Variants in SPATA16 observed in about 807,000 individuals in gnomAD.
The protein encoded by SPATA16 is spermatogenesis-associated protein 16.
SPATA16 carries 36 observed loss-of-function variants against 63.3 expected under a neutral mutation model. The observed-to-expected ratio is 0.57, with a 90% confidence interval of 0.44 to 0.75. SPATA16 has a LOEUF of 0.75. SPATA16 is among the 30% of genes least tolerant of loss of function. SPATA16 has a pLI of 0.00. For missense variants in SPATA16, 646 were observed against 679.3 expected, an observed-to-expected ratio of 0.95 and a Z score of 0.54; for synonymous variants, 203 against 216.7, an observed-to-expected ratio of 0.94 and a Z score of 0.56.
intron 3 of SPATA16, among the ~76,000 whole-genome samples, chr3:173,037,570 T>C (rs1159930163): frequency 1.3e-5 from 2 of 152,082 alleles, no homozygotes; most frequent in African/African-American, 4.8e-5. Flanking sequence ...TTCTATCCAA[T>C]TGTAAAATTA....
At chr3:172,893,086 C>G (rs1299464548) in intron 10 of SPATA16, among the ~76,000 whole-genome samples, 2 of 152,160 alleles carry the variant, frequency 1.3e-5, no homozygotes, top group African/African-American at 4.8e-5. Context: ...TGTCATCAGT[C>G]AGTTTCTCAA....
intron 9 of SPATA16, 78 bp from the exon 10 acceptor site, chr3:172,913,822 AT>A: frequency 2.4e-6 from 3 of 1,275,974 alleles, no homozygotes; most frequent in Non-Finnish European, 3.4e-6. Context: ...TTAAAACCTA[AT>A]TAAAAAATCA....
Position 172,974,368 on chromosome 3 carries a change from TAC to T in SPATA16, c.933+2598_933+2599del, listed in dbSNP as rs908860489. On this transcript the variant is annotated intron_variant, in intron 5 of 10. Transcript: ENST00000351008. ...GGATGCCTATAAAAGTGCATGAAAA[TAC>T]AGTCTCTAGTCTGTGATGTTTGGGG... Among the ~76,000 whole-genome samples the T allele has an allele frequency of 6.6e-5, 10 of 152,152 alleles. No homozygotes were observed. In the East Asian group the frequency reaches 1.7e-3, roughly 26 times the overall value.
In SPATA16 at chr3:172,889,712, G is replaced by A; in HGVS notation, c.1588-20C>T. On this transcript the variant is annotated intron_variant, in intron 10 of 10. Transcript: ENST00000351008. ...TCCAACCTAGAAGAAATAAACAGAT[G>A]CAACAAGATTTGTTGTTGTTTTCCT... is the stretch of plus-strand genomic sequence containing the variant. 1 of 1,610,992 alleles carries A rather than the reference G, an allele frequency of 6.2e-7. No homozygotes were observed.
At chr3:173,100,691 C>T (rs1737468850) in intron 2 of SPATA16, among the ~76,000 whole-genome samples, 1 of 145,604 alleles carries the variant, frequency 6.9e-6, no homozygotes, top group African/African-American at 2.8e-5. Context: ...CACACACACA[C>T]ACACACACAC....
rs1560085567 is a variant in SPATA16, at chr3:172,977,002, TCTTCC to T, written c.894_898del (p.Glu300HisfsTer14). ...CAGTTTGATGAGCTTGCTTATGCTC[TCTTCC>T]CTTCCTCCACCAAGCCAGAACATGT... On this transcript the variant is annotated frameshift_variant, in exon 5 of 11. Coordinates refer to ENST00000351008, the MANE Select transcript of SPATA16 (RefSeq NM_031955.6). LOFTEE classifies it high-confidence loss of function. 61 of 1,612,138 alleles carry T rather than the reference TCTTCC, an allele frequency of 3.8e-5. No individual in the cohort carries two copies. Among genetic ancestry groups the T allele is most frequent in the Non-Finnish European group, 4.7e-5 (56 of 1,179,498 alleles).
intron 3 of SPATA16, among the ~76,000 whole-genome samples, chr3:173,044,080 C>T (rs1735905491): frequency 1.3e-5 from 2 of 152,032 alleles, no homozygotes; most frequent in Non-Finnish European, 1.5e-5. Context: ...TAGATGCGAT[C>T]GTCTTTGAAT....
At chr3:173,017,564 T>C (rs1195322816) in intron 4 of SPATA16, among the ~76,000 whole-genome samples, 1 of 152,200 alleles carries the variant, frequency 6.6e-6, no homozygotes, top group Non-Finnish European at 1.5e-5. Flanking sequence ...ATTTGTAACA[T>C]TTGCAATTTC....
chr3:172,933,624 C>CA (rs1732918241), intron 6 of SPATA16, among the ~76,000 whole-genome samples: 1 of 152,172 alleles, frequency 6.6e-6, no homozygotes, highest in Admixed American at 6.5e-5. Context: ...ACTGTGGAAA[C>CA]AGAGTGGTGA....
chr3:173,126,973 A>G (rs936272858), intron 1 of SPATA16, among the ~76,000 whole-genome samples: 1 of 152,240 alleles, frequency 6.6e-6, no homozygotes, highest in African/African-American at 2.4e-5. Flanking sequence ...CTACCCTTCA[A>G]TTTAGTTAAT....
chr3:172,967,494 A>T (rs1234520957), intron 5 of SPATA16, among the ~76,000 whole-genome samples: 1 of 152,156 alleles, frequency 6.6e-6, no homozygotes, highest in Non-Finnish European at 1.5e-5. Context: ...TGTTATTTTC[A>T]TAGTGATGGG....
chr3:172,977,128 A>G (rs1359615267), intron 4 of SPATA16, 76 bp from the exon 5 acceptor site: 2 of 1,112,016 alleles, frequency 1.8e-6, no homozygotes, highest in Non-Finnish European at 2.7e-6. Flanking sequence ...CAGGCACTAT[A>G]TACAAATACT....
chr3:173,097,055 T>C (rs571112085), intron 2 of SPATA16, among the ~76,000 whole-genome samples: 4 of 152,160 alleles, frequency 2.6e-5, no homozygotes, highest in Non-Finnish European at 5.9e-5. Flanking sequence ...TGGAAAATTC[T>C]AGAAATAAAC....
chr3:173,028,182 G>A (rs1735513097), intron 3 of SPATA16, among the ~76,000 whole-genome samples: 3 of 150,996 alleles, frequency 2.0e-5, no homozygotes, highest in East Asian at 1.9e-4. Flanking sequence ...TCATCCTCCC[G>A]AGGCAACACT....
chr3:173,102,040 A>G (rs1737510190), intron 2 of SPATA16, among the ~76,000 whole-genome samples: 2 of 152,196 alleles, frequency 1.3e-5, no homozygotes, highest in African/African-American at 4.8e-5. Context: ...GAGAGACATT[A>G]GACAAAATCA....
intron 3 of SPATA16, among the ~76,000 whole-genome samples, chr3:173,037,120 A>C (rs1735731027): frequency 6.6e-6 from 1 of 152,030 alleles, no homozygotes; most frequent in Non-Finnish European, 1.5e-5. Context: ...AATAGTCAAA[A>C]TTTGGATGAA....
chr3:172,956,884 T>TA, intron 5 of SPATA16, 60 bp from the exon 6 acceptor site: 2 of 1,575,024 alleles, frequency 1.3e-6, no homozygotes, highest in South Asian at 2.2e-5. Flanking sequence ...TTTAAGAATG[T>TA]AAAAAATATA....
At chr3:173,111,560 G>T (rs1252030867) in intron 2 of SPATA16, among the ~76,000 whole-genome samples, 1 of 152,170 alleles carries the variant, frequency 6.6e-6, no homozygotes, top group East Asian at 1.9e-4. Context: ...TGATTATGTG[G>T]CACCAAAGAA....
At chr3:173,100,718 CTTGT>C (rs1737471134) in intron 2 of SPATA16, among the ~76,000 whole-genome samples, 2 of 144,600 alleles carry the variant, frequency 1.4e-5, no homozygotes, top group Non-Finnish European at 3.0e-5. Context: ...AGAGTAAATT[CTTGT>C]TTATCAATTT....
Sources: allele counts gnomAD v4.1 joint callset (sites outside exome capture counted in the v4.1 genomes callset), GRCh38; gene constraint gnomAD v4.1.1; transcripts MANE v1.5; gene names NCBI Gene and HGNC (gene_info 2026-07-23, HGNC 2026-07-21).